MRPL39: variants seen among roughly 807,000 people sequenced by gnomAD.
The protein encoded by MRPL39 is large ribosomal subunit protein mL39.
A neutral mutation model predicts 44.5 loss-of-function variants in MRPL39; 35 were observed. That is an observed-to-expected ratio of 0.79 (90% CI 0.60 to 1.04). The LOEUF is 1.04. Among genes scored for constraint, MRPL39 ranks in the 50% least tolerant of loss-of-function variants. The pLI is 0.00. For missense variants in MRPL39, 433 were observed against 413.5 expected (o/e 1.05, Z -0.41); for synonymous variants, 139 against 136.1 (o/e 1.02, Z -0.15).
intron 8 of MRPL39, among the ~76,000 whole-genome samples, chr21:25,591,388 G>C (rs2031175896): frequency 1.3e-5 from 2 of 152,022 alleles, no homozygotes; most frequent in Non-Finnish European, 2.9e-5. Flanking sequence ...ACAAGGTACA[G>C]ACAGAAAAAG....
chr21:25,589,144 G>A (rs766138765), intron 8 of MRPL39, among the ~76,000 whole-genome samples: 1 of 152,128 alleles, frequency 6.6e-6, no homozygotes, highest in Non-Finnish European at 1.5e-5. Context: ...AGGATTGAAC[G>A]TGCCCTTCTT....
Position 25,597,297 on chromosome 21 carries a change from C to T in MRPL39, c.701+5G>A. On this transcript the variant is annotated splice_donor_5th_base_variant and intron_variant, in intron 6 of 9. Coordinates refer to ENST00000352957, the MANE Select transcript of MRPL39 (RefSeq NM_017446.4). ...AGCCTTGATTTAAAGAAAGCCAACA[C>T]TTACTTGCTGTGTTGAAATATTTCC... 6.5e-7 allele frequency: 1 copy of T among 1,547,054 alleles called. No individual in the cohort carries two copies. The highest frequency in any genetic ancestry group is 8.9e-7 in the Non-Finnish European group (1 of 1,124,936).
At position 25,607,413 on chromosome 21, in the gene MRPL39, C is replaced by G; in HGVS notation, c.63G>C (p.Gly21=). The G allele has an allele frequency of 6.2e-7, 1 of 1,613,744 alleles. No homozygotes were observed. The highest frequency in any genetic ancestry group is 1.3e-5 in the African/African-American group (1 of 75,058). The stretch of plus-strand genomic sequence containing the variant: ...GCCTCTGAAACTCACTCCATTTGAT[C>G]CCGCCACCGGGTGCGACCAGCCAGA... ...LRLWLVAPGG[G]IKWRFIATSS... The change falls in exon 1 of 10, where the codon GGG becomes GGC. Residue 21 remains glycine, a synonymous_variant. Coordinates refer to ENST00000352957, the MANE Select transcript of MRPL39 (RefSeq NM_017446.4).
intron 6 of MRPL39, among the ~76,000 whole-genome samples, chr21:25,596,848 GAATAATTCACATGCAGAAGATT>G (rs2031375862): frequency 6.6e-6 from 1 of 152,148 alleles, no homozygotes; most frequent in Admixed American, 6.5e-5. Flanking sequence ...TCCATCAAAT[GAATAATTCACATGCAGAAGATT>G]AAGACCTGGC....
At chr21:25,605,542 A>T (rs2031636711) in intron 2 of MRPL39, among the ~76,000 whole-genome samples, 1 of 152,118 alleles carries the variant, frequency 6.6e-6, no homozygotes, top group Non-Finnish European at 1.5e-5. Flanking sequence ...GGCAAAAAAA[A>T]GCTGATCATC....
chr21:25,597,003 T>C (rs1419367586), intron 6 of MRPL39, among the ~76,000 whole-genome samples: 1 of 152,138 alleles, frequency 6.6e-6, no homozygotes, highest in Non-Finnish European at 1.5e-5. Flanking sequence ...CACAATTATA[T>C]AGTCGCTTAA....
intron 2 of MRPL39, among the ~76,000 whole-genome samples, chr21:25,604,858 G>A (rs2031617769): frequency 6.6e-6 from 1 of 152,204 alleles, no homozygotes; most frequent in Non-Finnish European, 1.5e-5. Context: ...ACAGTTTACT[G>A]AATGACTGCA....
chr21:25,603,722 C>A, intron 3 of MRPL39, 74 bp downstream of exon 3: 2 of 1,420,424 alleles, frequency 1.4e-6, no homozygotes, highest in Non-Finnish European at 1.9e-6. Flanking sequence ...TACATTACAC[C>A]CCATAGAAAA....
chr21:25,603,184 C>T (rs901411929), intron 3 of MRPL39, among the ~76,000 whole-genome samples: 5 of 151,908 alleles, frequency 3.3e-5, no homozygotes, highest in Admixed American at 6.6e-5. Flanking sequence ...CGTGTGAAAA[C>T]GGACTAATAC....
At position 25,592,859 on chromosome 21, in the gene MRPL39, T is replaced by C. The variant is rs1224200048; in HGVS notation, c.874A>G (p.Ser292Gly). The C allele has an allele frequency of 1.9e-6, 3 of 1,612,960 alleles. No homozygotes were observed. In the African/African-American group the frequency reaches 4.0e-5, roughly 22 times the overall value. The part of the protein sequence containing the change: ...AVHNLQPTQP[S>G]LIRRFQGVSL... ...ACGCCCTGGAATCTTCGTATGAGACTTGGCTGGGTGGGTTGAAGATTGTGA... is the reference window on the plus strand; with the variant it reads ...ACGCCCTGGAATCTTCGTATGAGACCTGGCTGGGTGGGTTGAAGATTGTGA... The change falls in exon 8 of 10, where the codon AGT becomes GGT. Residue 292 changes from serine to glycine, a missense_variant. Physicochemically the swap from Ser to Gly is moderately conservative, Grantham distance 56. Coordinates refer to ENST00000352957, the MANE Select transcript of MRPL39 (RefSeq NM_017446.4).
At chr21:25,589,000 A>C in intron 8 of MRPL39, 118 bp from the exon 9 acceptor site, 1 of 844,516 alleles carries the variant, frequency 1.2e-6, no homozygotes, top group Non-Finnish European at 1.8e-6. Context: ...GTACTAATTT[A>C]GATAAGTGGT....
rs1454376717 is a variant in MRPL39, at chr21:25,601,392, A to G, written c.496T>C (p.Leu166=). 34 of 1,610,704 alleles carry G rather than the reference A, an allele frequency of 2.1e-5. No homozygotes were observed. Among genetic ancestry groups the G allele is most frequent in the Non-Finnish European group, 2.8e-5 (33 of 1,178,156 alleles). Residue 166 remains leucine (L), a synonymous_variant, in exon 4 of 10, where the codon TTG becomes CTG. Transcript: ENST00000352957. The part of the protein sequence containing the change: ...RAFKDEYMVN[L]VRAPEVPVIS... ...CCAGGAACTTCTGGAGCTCTGACCA[A>G]ATTGACCATATATTCATCTTTGAAT...
At chr21:25,585,792 A>G (rs1174363505) in intron 9 of MRPL39, 38 bp from the exon 10 acceptor site, 2 of 1,465,302 alleles carry the variant, frequency 1.4e-6, no homozygotes, top group Admixed American at 3.5e-5. Context: ...CCTAATAAAC[A>G]CTTTCAGTTT....
intron 8 of MRPL39, among the ~76,000 whole-genome samples, chr21:25,591,812 TTGCACTCC>T (rs2031187066): frequency 6.6e-6 from 1 of 152,126 alleles, no homozygotes; most frequent in Non-Finnish European, 1.5e-5. Context: ...GACCCAGCAA[TTGCACTCC>T]TGGGTATTTA....
chr21:25,604,511 T>C (rs918647138), intron 2 of MRPL39, among the ~76,000 whole-genome samples: 3 of 152,210 alleles, frequency 2.0e-5, no homozygotes, highest in Non-Finnish European at 2.9e-5. Flanking sequence ...CAGTTCTAGA[T>C]TGGTTTTGGG....
chr21:25,602,676 C>T (rs1384245290), intron 3 of MRPL39, among the ~76,000 whole-genome samples: 2 of 152,008 alleles, frequency 1.3e-5, no homozygotes, highest in East Asian at 3.9e-4. Context: ...TGTGTGAGAC[C>T]TTAGAGAAAA....
chr21:25,606,886 G>C (rs2031692879), intron 1 of MRPL39, among the ~76,000 whole-genome samples: 1 of 152,116 alleles, frequency 6.6e-6, no homozygotes, highest in South Asian at 2.1e-4. Context: ...ACAATAAGGG[G>C]CAAAAAGTAA....
rs2031727909 is a variant in MRPL39, at chr21:25,607,480, G to A, written c.-5C>T. The A allele has an allele frequency of 6.2e-7, 1 of 1,610,980 alleles. No individual in the cohort carries two copies. Reference sequence around the variant, plus strand: ...ACCCATGGCCAGCGCCTCCATAGCAGCGGTGAGAACCGTCGCGCGCAAGTC... The same window carrying A: ...ACCCATGGCCAGCGCCTCCATAGCAACGGTGAGAACCGTCGCGCGCAAGTC... On this transcript the variant is annotated 5_prime_UTR_variant, in exon 1 of 10. Transcript: ENST00000352957.
intron 6 of MRPL39, among the ~76,000 whole-genome samples, chr21:25,595,274 C>G (rs2031322035): frequency 6.6e-6 from 1 of 152,190 alleles, no homozygotes; most frequent in South Asian, 2.1e-4. Context: ...TGCCAATTCC[C>G]TTGAATACTT....
Sources: gnomAD v4.1 joint callset for allele counts (sites outside exome capture counted in the v4.1 genomes callset) on GRCh38, gnomAD v4.1.1 for gene constraint, MANE v1.5 for transcripts, NCBI Gene and HGNC (gene_info 2026-07-23, HGNC 2026-07-21) for gene names.